Variants in MGST1 observed in about 807,000 individuals in gnomAD.
The protein encoded by MGST1 is microsomal glutathione S-transferase 1.
In MGST1, 5 loss-of-function variants were observed where a neutral mutation model predicts 8.9. That is an observed-to-expected ratio of 0.56 (90% CI 0.29 to 1.19). The LOEUF (loss-of-function observed/expected upper bound fraction) is 1.19. Ranked by LOEUF, MGST1 falls within the 50% of genes most tolerant of loss-of-function variation. MGST1 has a pLI of 0.08. For synonymous variants in MGST1, 54 were observed against 67.8 expected, an observed-to-expected ratio of 0.80 and a Z score of 1.00; for missense variants, 182 against 187.4, an observed-to-expected ratio of 0.97 and a Z score of 0.17.
At chr12:16,550,314 C>T (rs981849725) in intron 4 of MGST1, 1 of 152,370 alleles carries the variant, frequency 6.6e-6, no homozygotes, top group Admixed American at 6.6e-5. Context: ...ACTTAAAAAT[C>T]ATCTCATAAT....
intron 4 of MGST1, among the ~76,000 whole-genome samples, chr12:16,468,251 A>G (rs1192631390): frequency 6.6e-6 from 1 of 152,210 alleles, no homozygotes; most frequent in African/African-American, 2.4e-5. Flanking sequence ...ATCTAGGTCA[A>G]AATGAACACA....
intron 4 of MGST1, among the ~76,000 whole-genome samples, chr12:16,495,528 T>C (rs566892374): frequency 6.6e-6 from 1 of 152,070 alleles, no homozygotes; most frequent in Non-Finnish European, 1.5e-5. Context: ...GCAAGGTGAT[T>C]TGGAACTTTG....
At chr12:16,366,424 A>G (rs776898504), downstream of MGST1, among the ~76,000 whole-genome samples, 1 of 152,104 alleles carries the variant, frequency 6.6e-6, no homozygotes, top group Admixed American at 6.5e-5. This position sits in a 1 kb window ranked among gnomAD's most constrained non-coding sequence, Gnocchi z 4.0. Flanking sequence ...AGGATTCCCC[A>G]CCTGACTACA....
chr12:16,432,731 C>CACACACACAGAGAG (rs775306657), intron 1 of MGST1, among the ~76,000 whole-genome samples: 5 of 132,672 alleles, frequency 3.8e-5, no homozygotes, highest in Admixed American at 2.3e-4. Context: ...CACACACACA[C>CACACACACAGAGAG]AGAGAGAGAG....
chr12:16,566,404 A>G (rs147182700), intron 4 of MGST1, among the ~76,000 whole-genome samples: 6 of 152,162 alleles, frequency 3.9e-5, no homozygotes, highest in Admixed American at 1.3e-4. Flanking sequence ...GAAGCTTTTG[A>G]ATGTTTTCAA....
intron 4 of MGST1, among the ~76,000 whole-genome samples, chr12:16,467,502 C>T (rs1941263963): frequency 6.6e-6 from 1 of 152,140 alleles, no homozygotes; most frequent in South Asian, 2.1e-4. Flanking sequence ...AGACAGATTG[C>T]AGTGCTTTCC....
chr12:16,363,989 G>T lies in MGST1; in HGVS notation c.416G>T (p.Gly139Val), dbSNP rs2137001397. 1 of 1,613,804 alleles carries T rather than the reference G, an allele frequency of 6.2e-7. No homozygotes were observed. The highest frequency in any genetic ancestry group is 2.2e-5 in the East Asian group (1 of 44,866). Reference sequence around the variant, plus strand: ...GCTTTGAGTTTTTTTGTTGGATATGGAGTTACTCTTTCCATGGCTTACAGG... The same window carrying T: ...GCTTTGAGTTTTTTTGTTGGATATGTAGTTACTCTTTCCATGGCTTACAGG... ...NRALSFFVGY[G>V]VTLSMAYRLL... The change falls in exon 4 of 4, where the codon GGA becomes GTA. Residue 139 changes from glycine to valine, a missense_variant. By Grantham distance (109) the Gly-to-Val change is moderately radical. Coordinates refer to ENST00000396210, the MANE Select transcript of MGST1 (RefSeq NM_020300.5). The surrounding 1 kb of genome is among the most constrained non-coding windows in gnomAD (Gnocchi z 4.6).
rs1418499494 is a variant in MGST1 at position 16,482,669 on chromosome 12, A to G, written n.482+99065A>G. 1.3e-5 allele frequency among the ~76,000 whole-genome samples: 2 copies of G among 152,056 alleles called. No homozygotes were observed. Among genetic ancestry groups the G allele is most frequent in the Non-Finnish European group, 2.9e-5 (2 of 67,984 alleles). On this transcript the variant is annotated intron_variant and non_coding_transcript_variant, in intron 4 of 4. Coordinates refer to the MGST1 transcript ENST00000538857. The surrounding 1 kb of genome is among the most constrained non-coding windows in gnomAD (Gnocchi z 4.2). ...AAAGAGTGAGAACATGTAAAAATGC[A>G]AGAACATGTAAAAATGCAACAACAA... is the stretch of plus-strand genomic sequence containing the variant.
chr12:16,349,629 A>G (rs1051454707), intron 1 of MGST1, among the ~76,000 whole-genome samples: 1 of 152,188 alleles, frequency 6.6e-6, no homozygotes, highest in Non-Finnish European at 1.5e-5. Flanking sequence ...GTCAAGCGAG[A>G]TAAAATATGC....
At chr12:16,394,518 CTT>C (rs543423783) in intron 1 of MGST1, among the ~76,000 whole-genome samples, 33,692 of 77,568 alleles carry the variant, frequency 0.43, 5,512 homozygotes, top group South Asian at 0.52. Flanking sequence ...CTCTCCCTTT[CTT>C]TCTTTCTTTC....
intron 1 of MGST1, among the ~76,000 whole-genome samples, chr12:16,420,488 G>A (rs755340470): frequency 6.6e-6 from 1 of 152,296 alleles, no homozygotes; most frequent in Non-Finnish European, 1.5e-5. Context: ...CAAAATCTGA[G>A]TGGAGGTTTC....
chr12:16,494,840 T>C (rs1328909862), intron 4 of MGST1, among the ~76,000 whole-genome samples: 1 of 152,148 alleles, frequency 6.6e-6, no homozygotes, highest in African/African-American at 2.4e-5. Flanking sequence ...TTGTTCTTGG[T>C]CCTTATTAAT....
intron 4 of MGST1, among the ~76,000 whole-genome samples, chr12:16,556,479 A>G (rs914995150): frequency 2.6e-5 from 4 of 152,210 alleles, no homozygotes; most frequent in Non-Finnish European, 5.9e-5. Flanking sequence ...AAACATTCAG[A>G]AATGCTTTGG....
chr12:16,566,353 G>A (rs780245338), intron 4 of MGST1, among the ~76,000 whole-genome samples: 24 of 151,672 alleles, frequency 1.6e-4, no homozygotes, highest in Non-Finnish European at 3.1e-4. Flanking sequence ...GGTGACTATG[G>A]GCAACAGTAA....
intron 4 of MGST1, among the ~76,000 whole-genome samples, chr12:16,532,707 A>G (rs12307324): frequency 0.45 from 67,872 of 152,004 alleles, 15,599 homozygotes; most frequent in Admixed American, 0.55. Context: ...CAATTTCCAG[A>G]TGGCAGATTG....
rs1941371948 is a variant in MGST1, at chr12:16,482,641, A to G, written n.482+99037A>G. ...GCAAGACTCTGTCTGGAAGAAAAAAAAAAAAGAGTGAGAACATGTAAAAAT... is the reference window on the plus strand; with the variant it reads ...GCAAGACTCTGTCTGGAAGAAAAAAGAAAAAGAGTGAGAACATGTAAAAAT... On this transcript the variant is annotated intron_variant and non_coding_transcript_variant, in intron 4 of 4. Transcript: ENST00000538857. This position sits in a 1 kb window ranked among gnomAD's most constrained non-coding sequence, Gnocchi z 4.2. Among the ~76,000 whole-genome samples the G allele has an allele frequency of 6.6e-6, 1 of 151,984 alleles. No individual in the cohort carries two copies. The highest frequency in any genetic ancestry group is 1.5e-5 in the Non-Finnish European group (1 of 67,976).
intron 4 of MGST1, among the ~76,000 whole-genome samples, chr12:16,518,449 GTTTTA>G (rs1941628093): frequency 6.6e-6 from 1 of 152,092 alleles, no homozygotes; most frequent in South Asian, 2.1e-4. Context: ...GTTTTGAAAA[GTTTTA>G]TTTATTATAG....
downstream of MGST1, among the ~76,000 whole-genome samples, chr12:16,365,957 C>A (rs1940180989): frequency 6.6e-6 from 1 of 152,230 alleles, no homozygotes; most frequent in Non-Finnish European, 1.5e-5. Context: ...ATTCAGATAA[C>A]TGAGTTCCTC....
Position 16,585,876 on chromosome 12 carries a change from A to G in MGST1, n.483-3652A>G, listed in dbSNP as rs1020391913. 6.6e-6 allele frequency among the ~76,000 whole-genome samples: 1 copy of G among 152,224 alleles called. No homozygotes were observed. The highest frequency in any genetic ancestry group is 1.5e-5 in the Non-Finnish European group (1 of 68,032). ...CAACATGTATATGATTCACAGGCCC[A>G]AGTAAAACATCATTTAGTCATTTAT... On this transcript the variant is annotated intron_variant and non_coding_transcript_variant, in intron 4 of 4. Coordinates refer to the MGST1 transcript ENST00000538857. This position sits in a 1 kb window ranked among gnomAD's most constrained non-coding sequence, Gnocchi z 4.7.
Sources: gnomAD v4.1 joint callset for allele counts (sites outside exome capture counted in the v4.1 genomes callset) on GRCh38, gnomAD v4.1.1 for gene constraint, Gnocchi (gnomAD v3.1) non-coding constraint, MANE v1.5 for transcripts, NCBI Gene and HGNC (gene_info 2026-07-23, HGNC 2026-07-21) for gene names.